Variants in TAOK3 observed in about 807,000 individuals in gnomAD.
The protein encoded by TAOK3 is serine/threonine-protein kinase TAO3.
In TAOK3, 40 loss-of-function variants were observed where a neutral mutation model predicts 120.4. The observed-to-expected ratio is 0.33, with a 90% CI of 0.26 to 0.43. The LOEUF (loss-of-function observed/expected upper bound fraction) is 0.43, where lower values mean the gene tolerates loss of function less well. TAOK3 is among the 20% of genes least tolerant of loss of function. The pLI is 1.00. For synonymous variants in TAOK3, 355 were observed against 387.5 expected (o/e 0.92, Z 0.99); for missense variants, 821 against 1,112.1 (o/e 0.74, Z 3.72).
intron 1 of TAOK3, among the ~76,000 whole-genome samples, chr12:118,282,331 A>G (rs1390411358): frequency 1.3e-5 from 2 of 152,248 alleles, no homozygotes; most frequent in Non-Finnish European, 2.9e-5. Context: ...ATCTTACTTG[A>G]TCACATTGTT....
chr12:118,337,771 G>C (rs921502745), intron 1 of TAOK3, among the ~76,000 whole-genome samples: 1 of 152,206 alleles, frequency 6.6e-6, no homozygotes, highest in African/African-American at 2.4e-5. Context: ...GTGGTGGAAG[G>C]GGGATGGGAG....
At chr12:118,220,149 C>T (rs764947708) in intron 9 of TAOK3, among the ~76,000 whole-genome samples, 14 of 151,872 alleles carry the variant, frequency 9.2e-5, no homozygotes, top group Non-Finnish European at 1.6e-4. Flanking sequence ...CTCAGGCGAT[C>T]CTCCCACCTT....
At chr12:118,285,022 A>AG (rs1469654238) in intron 1 of TAOK3, among the ~76,000 whole-genome samples, 1 of 151,732 alleles carries the variant, frequency 6.6e-6, no homozygotes, top group East Asian at 1.9e-4. Flanking sequence ...AAAAAAAAAA[A>AG]TCAAGCCCCT....
At chr12:118,349,830 G>A (rs1226862626) in intron 1 of TAOK3, among the ~76,000 whole-genome samples, 3 of 151,994 alleles carry the variant, frequency 2.0e-5, no homozygotes, top group Non-Finnish European at 4.4e-5. Context: ...TTCAATTTGT[G>A]GTATAAAGGA....
chr12:118,277,465 ATT>A (rs879370199), intron 1 of TAOK3, among the ~76,000 whole-genome samples: 1 of 144,694 alleles, frequency 6.9e-6, no homozygotes, highest in Non-Finnish European at 1.5e-5. Flanking sequence ...TCCACCATGT[ATT>A]TTTTTTTTTT....
At chr12:118,340,379 C>G (rs1056085877) in intron 1 of TAOK3, among the ~76,000 whole-genome samples, 1 of 152,096 alleles carries the variant, frequency 6.6e-6, no homozygotes, top group Non-Finnish European at 1.5e-5. Context: ...CCCTTGTTTT[C>G]TTTTGACATC....
At chr12:118,201,183 G>A in intron 12 of TAOK3, 113 bp downstream of exon 12, 1 of 994,848 alleles carries the variant, frequency 1.0e-6, no homozygotes, top group Non-Finnish European at 1.5e-6. Flanking sequence ...TGTTTCTTAA[G>A]GCGGACAGCA....
At position 118,371,785 on chromosome 12, in the gene TAOK3, A is replaced by G. The variant is rs1035487677; in HGVS notation, c.-194+863T>C. On this transcript the variant is annotated intron_variant, in intron 1 of 20. Coordinates refer to ENST00000392533, the MANE Select transcript of TAOK3 (RefSeq NM_016281.4). This position sits in a 1 kb window ranked among gnomAD's most constrained non-coding sequence, Gnocchi z 5.5. The stretch of plus-strand genomic sequence containing the variant: ...GTGACTGGGGGCCCGACCCGCACCC[A>G]TGGGGCACCGCTCCTCCCTCGGGGT... Among the ~76,000 whole-genome samples the G allele has an allele frequency of 2.0e-5, 3 of 151,186 alleles. No homozygotes were observed. The highest frequency in any genetic ancestry group is 7.3e-5 in the African/African-American group (3 of 41,098).
intron 9 of TAOK3, among the ~76,000 whole-genome samples, chr12:118,214,657 T>G (rs2038795975): frequency 6.6e-6 from 1 of 151,272 alleles, no homozygotes; most frequent in South Asian, 2.1e-4. Flanking sequence ...AACCTCTGCC[T>G]CCTGGGTTCA....
At chr12:118,347,424 T>C (rs2044912904) in intron 1 of TAOK3, among the ~76,000 whole-genome samples, 1 of 152,184 alleles carries the variant, frequency 6.6e-6, no homozygotes. Context: ...CCTTTTGGCC[T>C]ACAGCATGCT....
At chr12:118,189,001 C>T (rs1593097277) in intron 14 of TAOK3, among the ~76,000 whole-genome samples, 1 of 152,328 alleles carries the variant, frequency 6.6e-6, no homozygotes, top group Non-Finnish European at 1.5e-5. Flanking sequence ...TGAAAACTAA[C>T]TCTTCCAGCA....
Position 118,280,206 on chromosome 12 carries a change from G to A in TAOK3, c.-193-13447C>T, listed in dbSNP as rs564433599. On this transcript the variant is annotated intron_variant, in intron 1 of 20. Transcript: ENST00000392533. ...CCTCCAAGTAGCTGGGACTACAGGC[G>A]TGCGCCACTACGCCCAGCTAATTTT... Among the ~76,000 whole-genome samples the A allele has an allele frequency of 1.3e-3, 201 of 151,978 alleles. 1 individual carries two copies. The highest frequency in any genetic ancestry group is 6.8e-3 in the Middle Eastern group (2 of 292).
intron 1 of TAOK3, among the ~76,000 whole-genome samples, chr12:118,329,412 T>C (rs1456220988): frequency 6.6e-6 from 1 of 151,992 alleles, no homozygotes. Flanking sequence ...ACTTTTAAAA[T>C]CCAACAAAAT....
At chr12:118,259,116 A>G (rs1404111793) in intron 2 of TAOK3, among the ~76,000 whole-genome samples, 1 of 152,230 alleles carries the variant, frequency 6.6e-6, no homozygotes, top group Non-Finnish European at 1.5e-5. Context: ...GCAAAGCCAT[A>G]AACTAAAAAT....
At chr12:118,274,795 ATT>A (rs34458120) in intron 1 of TAOK3, among the ~76,000 whole-genome samples, 17 of 141,750 alleles carry the variant, frequency 1.2e-4, no homozygotes, top group African/African-American at 1.5e-4. Context: ...CACCCTGTTA[ATT>A]TTTTTTTTTT....
intron 1 of TAOK3, among the ~76,000 whole-genome samples, chr12:118,348,900 C>G (rs2045007179): frequency 1.4e-5 from 2 of 143,628 alleles, no homozygotes; most frequent in South Asian, 2.2e-4. Flanking sequence ...CCGGGTCTCA[C>G]TCTTGTTGCC....
At position 118,372,015 on chromosome 12, in the gene TAOK3, CCTCTT is replaced by C; in HGVS notation, c.-194+628_-194+632del. Reference sequence around the variant, plus strand: ...AGCCCAGCCCCCTTCCGGGACCCCTCCTCTTCTCCCACTGTCTTGGCCCTTCCTGG... The same window carrying C: ...AGCCCAGCCCCCTTCCGGGACCCCTCCTCCCACTGTCTTGGCCCTTCCTGG... On this transcript the variant is annotated intron_variant, in intron 1 of 20. Transcript: ENST00000392533. This position sits in a 1 kb window ranked among gnomAD's most constrained non-coding sequence, Gnocchi z 4.6. 6.6e-6 allele frequency among the ~76,000 whole-genome samples: 1 copy of C among 151,966 alleles called. No individual in the cohort carries two copies.
At chr12:118,210,815 T>C (rs1253867131) in intron 11 of TAOK3, among the ~76,000 whole-genome samples, 1 of 151,456 alleles carries the variant, frequency 6.6e-6, no homozygotes, top group Admixed American at 6.6e-5. Flanking sequence ...CTTGGCTCAC[T>C]GTAACCTCCG....
At chr12:118,253,543 G>T (rs901557101) in intron 3 of TAOK3, among the ~76,000 whole-genome samples, 1 of 151,852 alleles carries the variant, frequency 6.6e-6, no homozygotes, top group Non-Finnish European at 1.5e-5. Context: ...TTTAAGACCA[G>T]CCTGGCCAAC....
Sources: allele counts gnomAD v4.1 joint callset (sites outside exome capture counted in the v4.1 genomes callset), GRCh38; gene constraint gnomAD v4.1.1; non-coding constraint Gnocchi (gnomAD v3.1); transcripts MANE v1.5; gene names NCBI Gene and HGNC (gene_info 2026-07-23, HGNC 2026-07-21).